Variants in HDX observed in about 807,000 individuals in gnomAD.
HDX encodes the protein highly divergent homeobox.
In HDX, 19 loss-of-function variants were observed where a neutral mutation model predicts 45.2. That is an observed-to-expected ratio of 0.42 (90% CI 0.29 to 0.62). The LOEUF is 0.62. Ranked by LOEUF, HDX falls within the 20% of genes least tolerant of loss-of-function variation. HDX has a pLI of 0.20. For missense variants in HDX, 532 were observed against 493.9 expected, an observed-to-expected ratio of 1.08 and a Z score of -0.73; for synonymous variants, 188 against 172.8, an observed-to-expected ratio of 1.09 and a Z score of -0.69.
chrX:84,369,097 G>T (rs998658634), intron 5 of HDX, among the ~76,000 whole-genome samples: 3 of 110,657 alleles, frequency 2.7e-5, no homozygotes, highest in African/African-American at 6.6e-5. Context: ...CAAACCCCAC[G>T]CAATGACCAT....
chrX:84,482,536 T>G (rs1340975915), intron 2 of HDX, among the ~76,000 whole-genome samples: 1 of 111,486 alleles, frequency 9.0e-6, no homozygotes, highest in Non-Finnish European at 1.9e-5. Context: ...TCATGAGAAC[T>G]TACTCATTAT....
chrX:84,393,187 C>T (rs1362896780), intron 5 of HDX, among the ~76,000 whole-genome samples: 2 of 111,304 alleles, frequency 1.8e-5, no homozygotes, highest in African/African-American at 6.5e-5. Context: ...TGTTGAGGTG[C>T]GTTCTTTCTG....
At chrX:84,431,322 G>A (rs2039500555) in intron 5 of HDX, among the ~76,000 whole-genome samples, 1 of 110,943 alleles carries the variant, frequency 9.0e-6, no homozygotes, top group African/African-American at 3.3e-5. Context: ...ACACATGCAT[G>A]TGTCTTTATA....
At chrX:84,452,203 T>C (rs892440888) in intron 4 of HDX, among the ~76,000 whole-genome samples, 6 of 111,206 alleles carry the variant, frequency 5.4e-5, no homozygotes, top group Admixed American at 3.8e-4. Flanking sequence ...GGCAGCAACA[T>C]TGGAAAATAA....
intron 4 of HDX, among the ~76,000 whole-genome samples, chrX:84,460,962 T>C (rs2040225236): frequency 9.0e-6 from 1 of 111,332 alleles, no homozygotes. Flanking sequence ...CCTAGGAAAT[T>C]ACTAAAAGAT....
intron 5 of HDX, among the ~76,000 whole-genome samples, chrX:84,396,268 T>C (rs2038560707): frequency 8.9e-6 from 1 of 112,266 alleles, no homozygotes; most frequent in South Asian, 3.7e-4. Flanking sequence ...GCCACTTTGG[T>C]TTTGATTCTG....
intron 5 of HDX, among the ~76,000 whole-genome samples, chrX:84,401,435 G>A (rs1334119545): frequency 8.9e-6 from 1 of 112,100 alleles, no homozygotes; most frequent in Non-Finnish European, 1.9e-5. Context: ...AGACATTTAT[G>A]TGGCCAAGAA....
At chrX:84,488,429 T>G (rs773477468) in intron 1 of HDX, among the ~76,000 whole-genome samples, 3 of 110,858 alleles carry the variant, frequency 2.7e-5, no homozygotes, top group South Asian at 7.6e-4. Flanking sequence ...CACTTTTGAA[T>G]AAATTAAATA....
chrX:84,378,455 C>A (rs2038108826), intron 5 of HDX, among the ~76,000 whole-genome samples: 1 of 111,251 alleles, frequency 9.0e-6, no homozygotes, highest in Non-Finnish European at 1.9e-5. Flanking sequence ...CTTTTTAAGA[C>A]ATAGACAGTA....
At chrX:84,333,978 C>T in intron 8 of HDX, 136 bp from the exon 9 acceptor site, 1 of 364,864 alleles carries the variant, frequency 2.7e-6, no homozygotes, top group Middle Eastern at 5.8e-4. Context: ...AACTGACTGG[C>T]TCCTCAGTGT....
intron 5 of HDX, among the ~76,000 whole-genome samples, chrX:84,400,086 G>A (rs928318904): frequency 9.0e-6 from 1 of 110,637 alleles, no homozygotes; most frequent in Non-Finnish European, 1.9e-5. Context: ...GCTATTTTAT[G>A]ACAAACCCAC....
intron 4 of HDX, among the ~76,000 whole-genome samples, chrX:84,452,155 G>A (rs1163811723): frequency 1.8e-5 from 2 of 111,086 alleles, no homozygotes; most frequent in African/African-American, 6.5e-5. Flanking sequence ...AGTAATGGAA[G>A]TCCCATCCAG....
chrX:84,459,379 G>A (rs1191676004), intron 4 of HDX, among the ~76,000 whole-genome samples: 1 of 109,441 alleles, frequency 9.1e-6, no homozygotes, highest in South Asian at 3.9e-4. Context: ...GAGGCAGAGC[G>A]TGCAGTGAGC....
intron 2 of HDX, among the ~76,000 whole-genome samples, chrX:84,481,024 C>T (rs1391916560): frequency 9.0e-6 from 1 of 111,299 alleles, no homozygotes; most frequent in Non-Finnish European, 1.9e-5. Flanking sequence ...CAGTATTATT[C>T]AGATAATCTA....
chrX:84,419,474 G>A (rs1426972917), intron 5 of HDX, among the ~76,000 whole-genome samples: 1 of 111,937 alleles, frequency 8.9e-6, no homozygotes, highest in Non-Finnish European at 1.9e-5. Context: ...GGAAGAATGG[G>A]AAGAACTGCA....
At chrX:84,452,315 A>C (rs1474736274) in intron 4 of HDX, among the ~76,000 whole-genome samples, 1 of 111,476 alleles carries the variant, frequency 9.0e-6, no homozygotes, top group Non-Finnish European at 1.9e-5. Context: ...GTAAAATTGG[A>C]GACAGAAAAT....
chrX:84,327,901 G>A (rs1036268081), intron 9 of HDX, among the ~76,000 whole-genome samples: 2 of 110,736 alleles, frequency 1.8e-5, no homozygotes, highest in Non-Finnish European at 3.8e-5. Flanking sequence ...ATAGCTCACT[G>A]CCACCTTGAA....
chrX:84,501,298 T>G (rs1450456802), intron 1 of HDX: 1 of 111,357 alleles, frequency 9.0e-6, no homozygotes, highest in Non-Finnish European at 1.9e-5. Flanking sequence ...CAAAATAATA[T>G]TTGACTTCAG....
chrX:84,369,084 C>T (rs1486265987), intron 5 of HDX, among the ~76,000 whole-genome samples: 1 of 110,891 alleles, frequency 9.0e-6, no homozygotes, highest in East Asian at 2.9e-4. Context: ...CATTTCCCCT[C>T]CCCAAACCCC....
Sources: allele counts gnomAD v4.1 joint callset (sites outside exome capture counted in the v4.1 genomes callset), GRCh38; gene constraint gnomAD v4.1.1; transcripts MANE v1.5; gene names NCBI Gene and HGNC (gene_info 2026-07-23, HGNC 2026-07-21).